PIK3C2G: variants seen among roughly 807,000 people sequenced by gnomAD.
The protein encoded by PIK3C2G is phosphatidylinositol 3-kinase C2 domain-containing subunit gamma.
PIK3C2G carries 168 observed loss-of-function variants against 181.1 expected under a neutral mutation model. The observed-to-expected ratio is 0.93, with a 90% CI of 0.82 to 1.05. The LOEUF (loss-of-function observed/expected upper bound fraction) is 1.05. Among genes scored for constraint, PIK3C2G ranks in the 50% least tolerant of loss-of-function variants. PIK3C2G has a pLI of 0.00. For synonymous variants in PIK3C2G, 573 were observed against 592.2 expected (o/e 0.97, Z 0.47); for missense variants, 1,869 against 1,732.8 (o/e 1.08, Z -1.40).
the PIK3C2G span, among the ~76,000 whole-genome samples, chr12:18,691,587 T>C: frequency 6.6e-6 from 1 of 151,490 alleles, no homozygotes. Context: ...AAAAGGAGAG[T>C]CCAGTCCCAG....
intron 16 of PIK3C2G, among the ~76,000 whole-genome samples, chr12:18,411,618 C>G (rs1216327426): frequency 6.6e-6 from 1 of 152,204 alleles, no homozygotes; most frequent in Non-Finnish European, 1.5e-5. Flanking sequence ...AGTGTGTCAT[C>G]AGACTCAAAA....
chr12:18,257,992 G>T (rs1948165415), upstream of PIK3C2G, among the ~76,000 whole-genome samples: 1 of 152,098 alleles, frequency 6.6e-6, no homozygotes, highest in Non-Finnish European at 1.5e-5. Flanking sequence ...GGCTGCAAAG[G>T]CATATGGGAA....
chr12:18,357,569 A>C (rs1353562754), intron 11 of PIK3C2G, among the ~76,000 whole-genome samples: 3 of 152,224 alleles, frequency 2.0e-5, no homozygotes, highest in Non-Finnish European at 4.4e-5. Flanking sequence ...TTATACAAAA[A>C]TCTAGTGCTA....
intron 5 of PIK3C2G, among the ~76,000 whole-genome samples, chr12:18,306,895 C>T (rs1950443715): frequency 6.6e-6 from 1 of 151,702 alleles, no homozygotes; most frequent in South Asian, 2.1e-4. Flanking sequence ...TTTAATATTT[C>T]ACAATACACC....
the PIK3C2G span, chr12:18,688,194 G>A: frequency 1.2e-5 from 19 of 1,609,968 alleles, no homozygotes; most frequent in Admixed American, 3.2e-4. Context: ...GAATGAGTAA[G>A]AGGCAACTGG....
At chr12:18,473,848 T>C (rs1275584884) in intron 18 of PIK3C2G, among the ~76,000 whole-genome samples, 1 of 152,174 alleles carries the variant, frequency 6.6e-6, no homozygotes, top group Admixed American at 6.6e-5. Flanking sequence ...ACCAGTTTTG[T>C]CTTAAACAGT....
At chr12:18,430,932 C>CA (rs1163346348) in intron 18 of PIK3C2G, among the ~76,000 whole-genome samples, 1 of 151,996 alleles carries the variant, frequency 6.6e-6, no homozygotes, top group African/African-American at 2.4e-5. Context: ...TGAGATGATC[C>CA]AAAAATCTGT....
At chr12:18,694,446 T>C in the PIK3C2G span, among the ~76,000 whole-genome samples, 23,995 of 152,140 alleles carry the variant, frequency 0.16, 2,068 homozygotes, top group African/African-American at 0.21. Context: ...TTTTAAGTAA[T>C]CAAATGATAT....
chr12:18,290,529 T>C (rs925439067), intron 3 of PIK3C2G, among the ~76,000 whole-genome samples: 2 of 152,164 alleles, frequency 1.3e-5, no homozygotes, highest in African/African-American at 4.8e-5. Flanking sequence ...TCAAAAGCAA[T>C]GTAAATGAAG....
upstream of PIK3C2G, among the ~76,000 whole-genome samples, chr12:18,260,044 G>C: frequency 6.6e-6 from 1 of 152,104 alleles, no homozygotes; most frequent in East Asian, 1.9e-4. Flanking sequence ...AAAGTACAAG[G>C]TACATTTTTG....
At chr12:18,478,974 CA>C (rs1204943458) in intron 18 of PIK3C2G, among the ~76,000 whole-genome samples, 2,413 of 117,522 alleles carry the variant, frequency 0.021, 56 homozygotes, top group African/African-American at 0.068. Context: ...GATCCTGTCT[CA>C]AAAAAAAAAA....
At chr12:18,287,472 A>T (rs562078125) in intron 3 of PIK3C2G, among the ~76,000 whole-genome samples, 2 of 152,358 alleles carry the variant, frequency 1.3e-5, no homozygotes, top group South Asian at 4.1e-4. Context: ...ATAAACATAA[A>T]TGCCTTCTTT....
At chr12:18,432,861 T>C (rs1173635356) in intron 18 of PIK3C2G, among the ~76,000 whole-genome samples, 2 of 152,196 alleles carry the variant, frequency 1.3e-5, no homozygotes, top group African/African-American at 4.8e-5. Flanking sequence ...TGATATCTCA[T>C]GCCCAATTCA....
the PIK3C2G span, chr12:18,684,288 T>A: frequency 6.3e-7 from 1 of 1,594,460 alleles, no homozygotes; most frequent in East Asian, 2.2e-5. Flanking sequence ...AGCTGAAATA[T>A]AAAAAAAGAA....
chr12:18,593,898 A>G (rs1947215265), intron 29 of PIK3C2G, among the ~76,000 whole-genome samples: 1 of 151,646 alleles, frequency 6.6e-6, no homozygotes, highest in African/African-American at 2.4e-5. Flanking sequence ...TTCTGTCTTG[A>G]TATATCCCCT....
At chr12:18,580,753 T>TA (rs1382080276) in intron 29 of PIK3C2G, among the ~76,000 whole-genome samples, 1 of 152,164 alleles carries the variant, frequency 6.6e-6, no homozygotes, top group Non-Finnish European at 1.5e-5. Flanking sequence ...CACTGCTTTA[T>TA]AAAAAAAGCA....
chr12:18,705,813 C>A, the PIK3C2G span, among the ~76,000 whole-genome samples: 1 of 152,040 alleles, frequency 6.6e-6, no homozygotes, highest in Non-Finnish European at 1.5e-5. Context: ...TTACAACGAG[C>A]CGAGGTTGCG....
Position 18,488,617 on chromosome 12 carries a change from C to A in PIK3C2G, c.2673C>A (p.Asp891Glu). The A allele has an allele frequency of 3.3e-6, 5 of 1,512,692 alleles. No homozygotes were observed. In the South Asian group the frequency reaches 6.6e-5, roughly 20 times the overall value. The allele number at this position is 1,512,692 out of a possible 1,614,324, so 93.7% of individuals were successfully genotyped here. A position where few individuals can be genotyped will look rare whatever the true frequency, so the allele number is the denominator to read the frequency against. Residue 891 changes from aspartate to glutamate, a missense_variant, in exon 19 of 33, where the codon GAC becomes GAA. Asp to Glu is a conservative substitution (Grantham distance 45). Coordinates refer to ENST00000538779, the MANE Select transcript of PIK3C2G (RefSeq NM_001288772.2). ...DIGERVKSAS[D>E]HQRQEVLKKE... ...GGGAAAGAGTCAAGTCTGCCAGTGACCATCAAAGACAGGTTTGTTGAAATA... is the reference window on the plus strand; with the variant it reads ...GGGAAAGAGTCAAGTCTGCCAGTGAACATCAAAGACAGGTTTGTTGAAATA...
chr12:18,247,776 C>G (rs1948055438), exon 1 of PIK3C2G: 1 of 152,172 alleles, frequency 6.6e-6, no homozygotes, highest in Non-Finnish European at 1.5e-5. Flanking sequence ...GTCCTTAGTT[C>G]CTGCCACATT....
Sources: allele counts gnomAD v4.1 joint callset (sites outside exome capture counted in the v4.1 genomes callset), GRCh38; gene constraint gnomAD v4.1.1; transcripts MANE v1.5; gene names NCBI Gene and HGNC (gene_info 2026-07-23, HGNC 2026-07-21).